The following KIF19 variants were observed in gnomAD, a reference collection of about 807,000 sequenced individuals.
KIF19 encodes the protein kinesin family member 19.
KIF19 carries 98 observed loss-of-function variants against 106.6 expected under a neutral mutation model. The ratio of observed to expected loss-of-function variants is 0.92; its 90% CI spans 0.78 to 1.09. The LOEUF (loss-of-function observed/expected upper bound fraction) is 1.09. KIF19 is among the 50% of genes least tolerant of loss of function. KIF19 has a pLI of 0.00. For synonymous variants in KIF19, 516 were observed against 584.2 expected (o/e 0.88, Z 1.68); for missense variants, 1,373 against 1,414.3 (o/e 0.97, Z 0.47).
rs966416564 is a variant in KIF19, at chr17:74,355,757, G to A, written c.*445G>A. 2 of 155,074 alleles carry A rather than the reference G, an allele frequency of 1.3e-5. No individual in the cohort carries two copies. The highest frequency in any genetic ancestry group is 5.2e-5 in the African/African-American group (2 of 38,704). The allele number at this position is 155,074 out of a possible 1,614,324, so 9.6% of individuals were successfully genotyped here. The stretch of plus-strand genomic sequence containing the variant: ...TGGGTGAGGGAGGGAATCTGGTTTT[G>A]TTACTTGGCAGTGGTTTTTTCTCAC... On this transcript the variant is annotated 3_prime_UTR_variant, in exon 20 of 20. Transcript: ENST00000389916.
chr17:74,328,811 T>C (rs2053989309), intron 2 of KIF19: 2 of 266,344 alleles, frequency 7.5e-6, no homozygotes, highest in South Asian at 1.0e-4. Flanking sequence ...ACAGAGCACA[T>C]ATATATATGG....
chr17:74,354,786 C>T lies in KIF19; in HGVS notation c.2711C>T (p.Ser904Phe), dbSNP rs1247169583. The T allele has an allele frequency of 6.4e-7, 1 of 1,556,030 alleles. No individual in the cohort carries two copies. Among genetic ancestry groups the T allele is most frequent in the Non-Finnish European group, 8.7e-7 (1 of 1,149,434 alleles). ...CCCACTGTTCAACCATCACAGCTCTCCCACCCCAAGACACACCTCCTGGGG... is the reference window on the plus strand; with the variant it reads ...CCCACTGTTCAACCATCACAGCTCTTCCACCCCAAGACACACCTCCTGGGG... ...RSFEVTGQGL[S>F]HPKTHLLGPH... The change falls in exon 19 of 20, where the codon TCC becomes TTC. Residue 904 changes from serine (S) to phenylalanine (F), a missense_variant. Physicochemically the swap from Ser to Phe is radical, Grantham distance 155 (BLOSUM62 -2). Around this residue, in one of 3 missense-constraint regions of KIF19, gnomAD observed 1,020 missense variants for 1,008.2 expected, o/e 1.01. Transcript: ENST00000389916.
rs760320166 is a variant in KIF19 at position 74,344,208 on chromosome 17, C to A, written c.457-15C>A. 12 of 1,608,944 alleles carry A rather than the reference C, an allele frequency of 7.5e-6. No individual in the cohort carries two copies. Among genetic ancestry groups the A allele is most frequent in the Admixed American group, 3.4e-5 (2 of 59,300 alleles). On this transcript the variant is annotated splice_polypyrimidine_tract_variant and intron_variant, in intron 5 of 19. Coordinates refer to ENST00000389916, the MANE Select transcript of KIF19 (RefSeq NM_153209.4). ...AGTCTCCCTTCCCCCACCCCTCCCC[C>A]ACCTGTCCCGTCAGATCTACAATGA...
intron 2 of KIF19, among the ~76,000 whole-genome samples, chr17:74,334,006 G>T (rs2054162199): frequency 6.6e-6 from 1 of 151,430 alleles, no homozygotes; most frequent in African/African-American, 2.4e-5. Context: ...TTAATTTTTA[G>T]TAGAGGTGTG....
At chr17:74,349,025 G>A (rs2054611939) in intron 9 of KIF19, 159 bp from the exon 10 acceptor site, 1 of 676,286 alleles carries the variant, frequency 1.5e-6, no homozygotes. Context: ...AGATCTAGCA[G>A]TGAGTGTGAC....
At chr17:74,332,602 G>T (rs79019203) in intron 2 of KIF19, among the ~76,000 whole-genome samples, 1 of 152,156 alleles carries the variant, frequency 6.6e-6, no homozygotes, top group Non-Finnish European at 1.5e-5. Context: ...CTGCTCCCGG[G>T]GTGCTGTAGA....
Position 74,350,770 on chromosome 17 carries a change from C to A in KIF19, c.1452C>A (p.Tyr484Ter), listed in dbSNP as rs766085902. ...GGGAGGAGCAGCGAAAGGAGTGCTA[C>A]GCTAAGGACGACAGCGAGAAGGACT... is the stretch of plus-strand genomic sequence containing the variant. ...KWREEQRKEC[Y>*]AKDDSEKDSD... is the part of the protein sequence containing the mutation. Residue 484 changes from tyrosine (Y) to a stop codon, truncating the protein, a stop_gained, in exon 12 of 20, where the codon TAC (tyrosine) becomes TAA (stop). Transcript: ENST00000389916. LOFTEE classifies it high-confidence loss of function. The A allele has an allele frequency of 5.0e-6, 8 of 1,613,884 alleles. No individual in the cohort carries two copies. The highest frequency in any genetic ancestry group is 6.8e-6 in the Non-Finnish European group (8 of 1,179,918).
rs867043692 is a variant in KIF19, at chr17:74,347,777, G to T, written c.925G>T (p.Asp309Tyr). ...RDSKLTRLLK[D>Y]SLGGNSRTVM... ...CTGACCACAGCCACCTCCCATCCAG[G>T]ACTCTCTGGGAGGAAACAGCCGCAC... is the stretch of plus-strand genomic sequence containing the variant. Residue 309 changes from aspartate (D) to tyrosine (Y), a missense_variant and splice_region_variant, in exon 9 of 20, where the codon GAC (aspartate) becomes TAC (tyrosine). Physicochemically the swap from Asp to Tyr is radical, Grantham distance 160. This residue lies in a region of KIF19 where 1,020 missense variants were observed against 1,008.2 expected (regional missense o/e 1.01). Coordinates refer to ENST00000389916, the MANE Select transcript of KIF19 (RefSeq NM_153209.4). 1.2e-5 allele frequency: 19 copies of T among 1,588,300 alleles called. No individual in the cohort carries two copies. The South Asian group carries it at 1.8e-4, about 15-fold the overall frequency.
rs2144298642 is a variant in KIF19 at position 74,352,809 on chromosome 17, C to T, written c.1981-12C>T. The T allele has an allele frequency of 6.2e-7, 1 of 1,613,912 alleles. No homozygotes were observed. Among genetic ancestry groups the T allele is most frequent in the South Asian group, 1.1e-5 (1 of 91,080 alleles). On this transcript the variant is annotated splice_polypyrimidine_tract_variant and intron_variant, in intron 14 of 19. Coordinates refer to ENST00000389916, the MANE Select transcript of KIF19 (RefSeq NM_153209.4). ...ATCTTCTAACTGTCCACCCTGGCTCCCTCCTCCCCAGGACAGCTCCTTGCC... is the reference window on the plus strand; with the variant it reads ...ATCTTCTAACTGTCCACCCTGGCTCTCTCCTCCCCAGGACAGCTCCTTGCC...
chr17:74,342,310 C>G (rs1043030306), intron 3 of KIF19, among the ~76,000 whole-genome samples: 1 of 152,226 alleles, frequency 6.6e-6, no homozygotes, highest in African/African-American at 2.4e-5. Context: ...TTCAGCGAAG[C>G]TGACACCCTC....
At position 74,352,257 on chromosome 17, in the gene KIF19, T is replaced by C; in HGVS notation, c.1897T>C (p.Tyr633His). The change falls in exon 14 of 20, where the codon TAC (tyrosine) becomes CAC (histidine). Residue 633 changes from tyrosine (Y) to histidine (H), a missense_variant. Physicochemically the swap from Tyr to His is moderately conservative, Grantham distance 83. Coordinates refer to ENST00000389916, the MANE Select transcript of KIF19 (RefSeq NM_153209.4). ...LAVPQRLEEL[Y>H]EVYLRELEEG... Reference sequence around the variant, plus strand: ...CGTCCCGCAGCGCCTGGAAGAGCTCTACGAAGTGTACCTGCGGGAGCTGGA... The same window carrying C: ...CGTCCCGCAGCGCCTGGAAGAGCTCCACGAAGTGTACCTGCGGGAGCTGGA... 1 of 1,613,074 alleles carries C rather than the reference T, an allele frequency of 6.2e-7. No homozygotes were observed. The highest frequency in any genetic ancestry group is 8.5e-7 in the Non-Finnish European group (1 of 1,179,730).
intron 2 of KIF19, among the ~76,000 whole-genome samples, chr17:74,337,635 A>G (rs935365175): frequency 3.9e-5 from 6 of 152,092 alleles, no homozygotes; most frequent in African/African-American, 1.2e-4. Flanking sequence ...TCTTCCAGGA[A>G]GTCTTCCTCT....
intron 3 of KIF19, 90 bp from the exon 4 acceptor site, chr17:74,342,540 C>T: frequency 2.0e-6 from 2 of 996,128 alleles, no homozygotes; most frequent in South Asian, 1.3e-5. Context: ...GGGACAGAAA[C>T]CTCTCCTATC....
rs990167858 is a variant in KIF19, at chr17:74,351,990, G to A, written c.1711G>A (p.Glu571Lys). The A allele has an allele frequency of 1.3e-6, 2 of 1,539,994 alleles. No homozygotes were observed. Among genetic ancestry groups the A allele is most frequent in the Non-Finnish European group, 1.7e-6 (2 of 1,151,292 alleles). ...GCTCAGCCTGCTGTGCCGCGTGCAC[G>A]AGCTCGAGGTGGAGAACACCGAGAT... ...EVLSLLCRVH[E>K]LEVENTEMQS... is the part of the protein sequence containing the mutation. Residue 571 changes from glutamate to lysine, a missense_variant, in exon 13 of 20, where the codon GAG becomes AAG. Physicochemically the swap from Glu to Lys is moderately conservative, Grantham distance 56. Around this residue, in one of 3 missense-constraint regions of KIF19, gnomAD observed 1,020 missense variants for 1,008.2 expected, o/e 1.01. Coordinates refer to ENST00000389916, the MANE Select transcript of KIF19 (RefSeq NM_153209.4).
Position 74,344,762 on chromosome 17 carries a change from T to A in KIF19, c.584T>A (p.Ile195Asn), listed in dbSNP as rs1428718240. The A allele has an allele frequency of 1.9e-6, 3 of 1,605,256 alleles. No individual in the cohort carries two copies. Among genetic ancestry groups the A allele is most frequent in the Non-Finnish European group, 2.6e-6 (3 of 1,174,002 alleles). The change falls in exon 7 of 20, where the codon ATC (isoleucine) becomes AAC (asparagine). Residue 195 changes from isoleucine (I) to asparagine (N), a missense_variant and splice_region_variant. Physicochemically the swap from Ile to Asn is moderately radical, Grantham distance 149 (BLOSUM62 -3). Coordinates refer to ENST00000389916, the MANE Select transcript of KIF19 (RefSeq NM_153209.4). The stretch of plus-strand genomic sequence containing the variant: ...CTGCCTCTCCTCCCTCCCACCCAGA[T>A]CATGCAGCTGCTGATGAAGGGGAAC... Reference protein sequence around the residue: ...TEVSTINAKEIMQLLMKGNRQ... With the variant: ...TEVSTINAKENMQLLMKGNRQ...
chr17:74,344,903 G>A lies in KIF19; in HGVS notation c.725G>A (p.Arg242Gln), dbSNP rs193276897. The A allele has an allele frequency of 6.0e-5, 96 of 1,611,822 alleles. No individual in the cohort carries two copies. In the African/African-American group the frequency reaches 6.8e-4, roughly 11 times the overall value. ...GTCAAGAACATCTTGCAGGAGGTGC[G>A]GCAGGGCCGCCTGTTCATGATCGAC... is the stretch of plus-strand genomic sequence containing the variant. Reference protein sequence around the residue: ...SRVKNILQEVRQGRLFMIDLA... With the variant: ...SRVKNILQEVQQGRLFMIDLA... The change falls in exon 7 of 20, where the codon CGG becomes CAG. Residue 242 changes from arginine (R) to glutamine (Q), a missense_variant. Arg to Gln is a conservative substitution (Grantham distance 43). Around this residue, in one of 3 missense-constraint regions of KIF19, gnomAD observed 348 missense variants for 389.5 expected, o/e 0.89. Coordinates refer to ENST00000389916, the MANE Select transcript of KIF19 (RefSeq NM_153209.4).
intron 2 of KIF19, among the ~76,000 whole-genome samples, chr17:74,332,527 C>A (rs1044996660): frequency 8.5e-5 from 13 of 152,122 alleles, no homozygotes; most frequent in Non-Finnish European, 4.4e-5. Flanking sequence ...TGTTTGTCTG[C>A]AGGAGTTAAG....
rs568414911 is a variant in KIF19, at chr17:74,331,368, C to T, written c.120+2863C>T. 2.5e-4 allele frequency among the ~76,000 whole-genome samples: 31 copies of T among 123,994 alleles called. No individual in the cohort carries two copies. The highest frequency in any genetic ancestry group is 4.7e-4 in the African/African-American group (17 of 35,802). The allele number at this position is 123,994 out of a possible 152,430, so 81.3% of individuals were successfully genotyped here. A position where few individuals can be genotyped will look rare whatever the true frequency, so the allele number is the denominator to read the frequency against. On this transcript the variant is annotated intron_variant, in intron 2 of 19. Coordinates refer to ENST00000389916, the MANE Select transcript of KIF19 (RefSeq NM_153209.4). This position sits in a 1 kb window ranked among gnomAD's most constrained non-coding sequence, Gnocchi z 4.1. ...TCGTCCTGAGTGGGGAGAGGTGGACCGGGGACACAGTAACCCGCTGGGCTG... is the reference window on the plus strand; with the variant it reads ...TCGTCCTGAGTGGGGAGAGGTGGACTGGGGACACAGTAACCCGCTGGGCTG...
Position 74,350,923 on chromosome 17 carries a change from G to T in KIF19, c.1587+18G>T. ...AGCAGAAGGTGTCCAGGGTTTGGGG[G>T]GACAAGGAGAGTGGGTTTAGGGGAC... On this transcript the variant is annotated intron_variant, in intron 12 of 19. Coordinates refer to ENST00000389916, the MANE Select transcript of KIF19 (RefSeq NM_153209.4). 1 of 1,612,606 alleles carries T rather than the reference G, an allele frequency of 6.2e-7. No homozygotes were observed. Among genetic ancestry groups the T allele is most frequent in the South Asian group, 1.1e-5 (1 of 91,056 alleles).
Sources: gnomAD v4.1 joint callset for allele counts (sites outside exome capture counted in the v4.1 genomes callset) on GRCh38, gnomAD v4.1.1 for gene constraint, gnomAD v4.1.1 regional missense constraint, Gnocchi (gnomAD v3.1) non-coding constraint, MANE v1.5 for transcripts, NCBI Gene and HGNC (gene_info 2026-07-23, HGNC 2026-07-21) for gene names.